Variants in MSLN observed in about 807,000 individuals in gnomAD.
MSLN encodes CAK1 antigen.
A neutral mutation model predicts 72.6 loss-of-function variants in MSLN; 82 were observed. The ratio of observed to expected loss-of-function variants is 1.13; its 90% CI spans 0.94 to 1.36. The LOEUF is 1.36. Among genes scored for constraint, MSLN ranks in the 40% most tolerant of loss-of-function variants. MSLN has a pLI of 0.00. For synonymous variants in MSLN, 456 were observed against 387.3 expected, an observed-to-expected ratio of 1.18 and a Z score of -2.08; for missense variants, 1,005 against 847.9, an observed-to-expected ratio of 1.19 and a Z score of -2.30.
At chr16:762,903 C>T (rs2041554497) in intron 3 of MSLN, 138 bp downstream of exon 3, 2 of 684,740 alleles carry the variant, frequency 2.9e-6, no homozygotes, top group Admixed American at 6.1e-5. Context: ...CAGTCTCTGC[C>T]CCCAGAGGTG....
chr16:762,600 C>A, intron 2 of MSLN, 72 bp from the exon 3 acceptor site: 1 of 1,190,364 alleles, frequency 8.4e-7, no homozygotes, highest in Non-Finnish European at 1.2e-6. Flanking sequence ...GCCCATGTGG[C>A]CCCAGGCTGG....
Position 763,248 on chromosome 16 carries a change from C to G in MSLN, c.101C>G (p.Ser34Trp). The part of the protein sequence containing the change: ...LLFSLGWVQP[S>W]RTLAGETGQE... ...GCCCCTTTAGGATGGGTGCAGCCCT[C>G]GAGGACCCTGGCTGGAGAGACAGGG... is the stretch of plus-strand genomic sequence containing the variant. The change falls in exon 4 of 18, where the codon TCG becomes TGG. Residue 34 changes from serine (S) to tryptophan (W), a missense_variant. Ser to Trp is a radical substitution (Grantham distance 177). Coordinates refer to ENST00000545450, the MANE Select transcript of MSLN (RefSeq NM_005823.6). 1 of 1,543,740 alleles carries G rather than the reference C, an allele frequency of 6.5e-7. No individual in the cohort carries two copies. The highest frequency in any genetic ancestry group is 8.7e-7 in the Non-Finnish European group (1 of 1,145,548).
chr16:767,393 G>C lies in MSLN; in HGVS notation c.1519G>C (p.Asp507His). 6.2e-7 allele frequency: 1 copy of C among 1,610,826 alleles called. No homozygotes were observed. Among genetic ancestry groups the C allele is most frequent in the Non-Finnish European group, 8.5e-7 (1 of 1,179,328 alleles). ...GCGGGCAGGTGGGGCCCCCACGGAG[G>C]ATTTGAAGGCGCTCAGTCAGCAGAA... Reference protein sequence around the residue: ...QSFLGGAPTEDLKALSQQNVS... With the variant: ...QSFLGGAPTEHLKALSQQNVS... The change falls in exon 16 of 18, where the codon GAT becomes CAT. Residue 507 changes from aspartate (D) to histidine (H), a missense_variant. By Grantham distance (81) the Asp-to-His change is moderately conservative. Transcript: ENST00000545450.
In MSLN at chr16:766,943, C is replaced by G; in HGVS notation, c.1432C>G (p.Pro478Ala). 6.2e-7 allele frequency: 1 copy of G among 1,612,674 alleles called. No homozygotes were observed. The highest frequency in any genetic ancestry group is 1.1e-5 in the South Asian group (1 of 91,082). The change falls in exon 15 of 18, where the codon CCC becomes GCC. Residue 478 changes from proline (P) to alanine (A), a missense_variant. Transcript: ENST00000545450. Reference sequence around the variant, plus strand: ...CCCAAGGCAGCTGGACGTCCTCTATCCCAAGGCCCGCCTTGCTTTCCAGAA... The same window carrying G: ...CCCAAGGCAGCTGGACGTCCTCTATGCCAAGGCCCGCCTTGCTTTCCAGAA... ...CDPRQLDVLY[P>A]KARLAFQNMN... is the part of the protein sequence containing the mutation.
In MSLN at chr16:763,647, T is replaced by C; in HGVS notation, c.135T>C (p.Ala45=). The C allele has an allele frequency of 6.2e-7, 1 of 1,600,690 alleles. No homozygotes were observed. The highest frequency in any genetic ancestry group is 8.5e-7 in the Non-Finnish European group (1 of 1,171,896). Residue 45 remains alanine, a synonymous_variant, in exon 5 of 18, where the codon GCT becomes GCC. Coordinates refer to ENST00000545450, the MANE Select transcript of MSLN (RefSeq NM_005823.6). ...AGCAGGCCCTGTGTCCCCAGGAGGCTGCGCCCCTGGACGGAGTCCTGGCCA... is the reference window on the plus strand; with the variant it reads ...AGCAGGCCCTGTGTCCCCAGGAGGCCGCGCCCCTGGACGGAGTCCTGGCCA... The part of the protein sequence containing the change: ...RTLAGETGQE[A]APLDGVLANP...
Position 765,038 on chromosome 16 carries a change from T to C in MSLN, c.510+2T>C. 1 of 1,611,278 alleles carries C rather than the reference T, an allele frequency of 6.2e-7. No homozygotes were observed. The highest frequency in any genetic ancestry group is 8.5e-7 in the Non-Finnish European group (1 of 1,179,254). ...CTGCCTGCGGCTCTGGCCTGCTGGG[T>C]AGGGGCTGGGGCCAGCGCGGGGCGG... On this transcript the variant is annotated splice_donor_variant, in intron 8 of 17. Coordinates refer to ENST00000545450, the MANE Select transcript of MSLN (RefSeq NM_005823.6). LOFTEE classifies it high-confidence loss of function.
chr16:766,430 G>C lies in MSLN; in HGVS notation c.1170G>C (p.Thr390=), dbSNP rs142937521. Residue 390 remains threonine (T), a synonymous_variant, in exon 13 of 18, where the codon ACG becomes ACC. Transcript: ENST00000545450. ...AGGACATTCGCAAGTGGAATGTGAC[G>C]TCCCTGGAGACCCTGAAGGCTTTGC... ...SPEDIRKWNV[T]SLETLKALLE... 14 of 1,612,678 alleles carry C rather than the reference G, an allele frequency of 8.7e-6. No individual in the cohort carries two copies. The highest frequency in any genetic ancestry group is 1.2e-5 in the Non-Finnish European group (14 of 1,179,908).
chr16:762,411 G>C (rs1596688458), intron 2 of MSLN: 1 of 502,862 alleles, frequency 2.0e-6, no homozygotes, highest in Non-Finnish European at 3.5e-6. Context: ...TGGGAGAGGG[G>C]TGGGCGCCAA....
In MSLN at chr16:765,781, G is replaced by C. The variant is rs145858389; in HGVS notation, c.886G>C (p.Glu296Gln). 1.3e-6 allele frequency: 2 copies of C among 1,598,886 alleles called. No individual in the cohort carries two copies. Among genetic ancestry groups the C allele is most frequent in the Non-Finnish European group, 1.7e-6 (2 of 1,179,522 alleles). ...CATCCTCCGGCCGCGGTTCCGGCGG[G>C]AAGTGGAGAGTGAGTGCCGTGCCCT... ...RTILRPRFRR[E>Q]VEKTACPSGK... is the part of the protein sequence containing the mutation. The change falls in exon 11 of 18, where the codon GAA becomes CAA. Residue 296 changes from glutamate (E) to glutamine (Q), a missense_variant. Physicochemically the swap from Glu to Gln is conservative, Grantham distance 29 (BLOSUM62 2). Transcript: ENST00000545450.
chr16:766,124 T>C lies in MSLN; in HGVS notation c.961T>C (p.Trp321Arg). The C allele has an allele frequency of 6.2e-7, 1 of 1,612,590 alleles. No individual in the cohort carries two copies. Among genetic ancestry groups the C allele is most frequent in the Non-Finnish European group, 8.5e-7 (1 of 1,179,894 alleles). ...CGAGAGCCTCATCTTCTACAAGAAG[T>C]GGGAGCTGGAAGCCTGCGTGGATGC... is the stretch of plus-strand genomic sequence containing the variant. ...IDESLIFYKK[W>R]ELEACVDAAL... Residue 321 changes from tryptophan to arginine, a missense_variant, in exon 12 of 18, where the codon TGG (tryptophan) becomes CGG (arginine). Transcript: ENST00000545450.
Position 765,631 on chromosome 16 carries a change from C to T in MSLN, c.795+14C>T. ...AGCATCCCGCAGGTGAGACCCCAATCCCCAGCCCGTGGGGATGCCCGGCCA... is the reference window on the plus strand; with the variant it reads ...AGCATCCCGCAGGTGAGACCCCAATTCCCAGCCCGTGGGGATGCCCGGCCA... On this transcript the variant is annotated intron_variant, in intron 10 of 17. Transcript: ENST00000545450. 3 of 1,599,228 alleles carry T rather than the reference C, an allele frequency of 1.9e-6. No individual in the cohort carries two copies. The highest frequency in any genetic ancestry group is 2.5e-6 in the Non-Finnish European group (3 of 1,177,430).
Position 765,795 on chromosome 16 carries a change from G to C in MSLN, c.895+5G>C. 1 of 1,597,714 alleles carries C rather than the reference G, an allele frequency of 6.3e-7. No homozygotes were observed. Among genetic ancestry groups the C allele is most frequent in the South Asian group, 1.1e-5 (1 of 90,784 alleles). ...GGTTCCGGCGGGAAGTGGAGAGTGA[G>C]TGCCGTGCCCTGCGCAGTCTGGCAC... is the stretch of plus-strand genomic sequence containing the variant. On this transcript the variant is annotated splice_donor_5th_base_variant and intron_variant, in intron 11 of 17. Transcript: ENST00000545450.
In MSLN at chr16:762,258, G is replaced by C. The variant is rs2041544945; in HGVS notation, c.-9-414G>C. On this transcript the variant is annotated intron_variant, in intron 2 of 17. Transcript: ENST00000545450. ...ACAAAGCCCAGGCACCTGCAGCTGA[G>C]GGCAGGGGAGAGGGAAGGGAGCCAC... 6.6e-5 allele frequency among the ~76,000 whole-genome samples: 10 copies of C among 152,254 alleles called. No individual in the cohort carries two copies. In the South Asian group the frequency reaches 2.1e-3, roughly 31 times the overall value.
At chr16:762,359 C>T (rs1263500223) in intron 2 of MSLN, among the ~76,000 whole-genome samples, 4 of 152,214 alleles carry the variant, frequency 2.6e-5, no homozygotes, top group Non-Finnish European at 5.9e-5. Flanking sequence ...GCGGCGGCCC[C>T]GGTTGCTTGA....
At chr16:764,229 C>T (rs1006551916) in intron 6 of MSLN, 86 bp downstream of exon 6, 89 of 1,499,132 alleles carry the variant, frequency 5.9e-5, no homozygotes, top group South Asian at 1.8e-4. Flanking sequence ...CTTGCCACCA[C>T]GGTCCCCTCT....
rs779381094 is a variant in MSLN, at chr16:765,502, T to C, written c.705-25T>C. On this transcript the variant is annotated intron_variant, in intron 9 of 17. Transcript: ENST00000545450. ...TCTGGGGCTGCACGTGGGGGGTCCC[T>C]GAGCTGTGTCCCGTGTCTGCACAGC... 4.4e-6 allele frequency: 7 copies of C among 1,587,704 alleles called. No individual in the cohort carries two copies. In the South Asian group the frequency reaches 6.8e-5, roughly 15 times the overall value.
intron 15 of MSLN, 80 bp downstream of exon 15, chr16:767,092 C>T: frequency 6.3e-7 from 1 of 1,588,740 alleles, no homozygotes; most frequent in South Asian, 1.1e-5. Context: ...CAGGCCTTTG[C>T]CTCGCCGGGC....
At chr16:762,817 G>A in intron 3 of MSLN, 52 bp downstream of exon 3, 1 of 1,433,180 alleles carries the variant, frequency 7.0e-7, no homozygotes, top group South Asian at 1.4e-5. Flanking sequence ...AGGGGCCTTG[G>A]GGGCCAGGCC....
chr16:766,561 C>A, intron 13 of MSLN, 71 bp downstream of exon 13: 1 of 1,608,802 alleles, frequency 6.2e-7, no homozygotes, highest in East Asian at 2.2e-5. Flanking sequence ...GGGGACAAAG[C>A]CTGAGGTTGG....
Sources: allele counts gnomAD v4.1 joint callset (sites outside exome capture counted in the v4.1 genomes callset), GRCh38; gene constraint gnomAD v4.1.1; transcripts MANE v1.5; gene names NCBI Gene and HGNC (gene_info 2026-07-23, HGNC 2026-07-21).